Variants in TSPAN9 observed in about 807,000 individuals in gnomAD.
TSPAN9 encodes the protein tetraspanin 9.
A neutral mutation model predicts 31.0 loss-of-function variants in TSPAN9; 16 were observed. That is an observed-to-expected ratio of 0.52 (90% CI 0.35 to 0.78). The LOEUF (loss-of-function observed/expected upper bound fraction) is 0.78. TSPAN9 is among the 30% of genes least tolerant of loss of function. TSPAN9 has a pLI of 0.01. For missense variants in TSPAN9, 272 were observed against 312.5 expected (o/e 0.87, Z 0.98); for synonymous variants, 145 against 121.6 (o/e 1.19, Z -1.27).
chr12:3,216,393 C>T (rs977703331), intron 3 of TSPAN9, among the ~76,000 whole-genome samples: 11 of 152,304 alleles, frequency 7.2e-5, no homozygotes, highest in African/African-American at 2.6e-4. Context: ...GATGTCCAAG[C>T]TCACACTGGG....
intron 2 of TSPAN9, among the ~76,000 whole-genome samples, chr12:3,146,258 G>T (rs1480457934): frequency 6.6e-6 from 1 of 152,238 alleles, no homozygotes; most frequent in African/African-American, 2.4e-5. Context: ...GGGATGCGAG[G>T]TCAGGGGATG....
intron 3 of TSPAN9, among the ~76,000 whole-genome samples, chr12:3,264,384 T>C (rs1007925444): frequency 2.0e-5 from 3 of 152,250 alleles, no homozygotes; most frequent in Admixed American, 1.3e-4. Context: ...TCTTAATTTA[T>C]TGATGAAAAC....
chr12:3,211,519 T>C, intron 3 of TSPAN9: 1 of 674,302 alleles, frequency 1.5e-6, no homozygotes, highest in Non-Finnish European at 2.4e-6. Context: ...AGCCAGCCTC[T>C]TCCCCCAAAC....
intron 2 of TSPAN9, among the ~76,000 whole-genome samples, chr12:3,109,136 C>T (rs929160354): frequency 6.6e-6 from 1 of 151,920 alleles, no homozygotes; most frequent in Non-Finnish European, 1.5e-5. Flanking sequence ...GGGGGTTTCA[C>T]CGTGTTAGCC....
chr12:3,229,543 A>G (rs1274158958), intron 3 of TSPAN9, among the ~76,000 whole-genome samples: 3 of 152,216 alleles, frequency 2.0e-5, no homozygotes, highest in Non-Finnish European at 2.9e-5. Flanking sequence ...CGCCTTCTGC[A>G]GCATCCCTGT....
In TSPAN9 at chr12:3,222,259, A is replaced by G. The variant is rs1168056451; in HGVS notation, c.63+21003A>G. ...AGGGGGGCATGTGGAGGGGATCCCC[A>G]TTTCCTATACACAGGGCCCTGGCTC... is the stretch of plus-strand genomic sequence containing the variant. On this transcript the variant is annotated intron_variant, in intron 3 of 8. Transcript: ENST00000011898. 2.6e-5 allele frequency among the ~76,000 whole-genome samples: 4 copies of G among 152,158 alleles called. No individual in the cohort carries two copies. The South Asian group carries it at 8.3e-4, about 32-fold the overall frequency.
In TSPAN9 at chr12:3,226,740, GTGTGTATATATATATATATA is replaced by G. The variant is rs2098387674; in HGVS notation, c.63+25486_63+25505del. Among the ~76,000 whole-genome samples the G allele has an allele frequency of 6.3e-3, 83 of 13,154 alleles. 12 individuals are homozygous for G. The highest frequency in any genetic ancestry group is 8.0e-3 in the Admixed American group (6 of 750). The allele number at this position is 13,154 out of a possible 152,430, so 8.6% of individuals were successfully genotyped here. A position where few individuals can be genotyped will look rare whatever the true frequency, so the allele number is the denominator to read the frequency against. ...TGTATGTGTGTGTGTGTGTGTGTGT[GTGTGTATATATATATATATA>G]TATATATATATATATATATATATAT... is the stretch of plus-strand genomic sequence containing the variant. On this transcript the variant is annotated intron_variant, in intron 3 of 8. Coordinates refer to ENST00000011898, the MANE Select transcript of TSPAN9 (RefSeq NM_006675.5).
At chr12:3,080,088 C>G (rs1341649205) in intron 1 of TSPAN9, among the ~76,000 whole-genome samples, 1 of 151,924 alleles carries the variant, frequency 6.6e-6, no homozygotes, top group East Asian at 2.0e-4. Flanking sequence ...CACGCCCAGC[C>G]CCTTTCCTCT....
At chr12:3,281,934 C>A in intron 8 of TSPAN9, 117 bp downstream of exon 8, 1 of 1,155,792 alleles carries the variant, frequency 8.7e-7, no homozygotes, top group Non-Finnish European at 1.3e-6. Context: ...GAATTCATCA[C>A]AGCTATTCAA....
Position 3,280,656 on chromosome 12 carries a change from A to G in TSPAN9, c.432+173A>G, listed in dbSNP as rs571500998. ...TGAACTGCTGAGTCAGATGTGATAC[A>G]GCAAGGTACAGCCAGGGAGGGATGA... On this transcript the variant is annotated intron_variant, in intron 6 of 8. Transcript: ENST00000011898. The surrounding 1 kb of genome is among the most constrained non-coding windows in gnomAD (Gnocchi z 4.5). Among the ~76,000 whole-genome samples, 1 of 152,210 alleles carries G rather than the reference A, an allele frequency of 6.6e-6. No homozygotes were observed. The highest frequency in any genetic ancestry group is 2.1e-4 in the South Asian group (1 of 4,834).
intron 3 of TSPAN9, among the ~76,000 whole-genome samples, chr12:3,261,612 G>A (rs376372006): frequency 3.3e-4 from 51 of 152,334 alleles, no homozygotes; most frequent in African/African-American, 1.1e-3. Flanking sequence ...GTGACTCGGG[G>A]CATGCATGAC....
chr12:3,276,201 C>T (rs1172502920), intron 3 of TSPAN9, among the ~76,000 whole-genome samples: 1 of 152,204 alleles, frequency 6.6e-6, no homozygotes, highest in African/African-American at 2.4e-5. Context: ...ATCACAGCAG[C>T]CTCCCAGTTG....
At chr12:3,267,882 C>T (rs914339169) in intron 3 of TSPAN9, among the ~76,000 whole-genome samples, 2 of 152,182 alleles carry the variant, frequency 1.3e-5, no homozygotes, top group South Asian at 2.1e-4. Context: ...TCCTGCCCAA[C>T]GTAGAGTGCC....
intron 3 of TSPAN9, among the ~76,000 whole-genome samples, chr12:3,218,433 C>T (rs2098382515): frequency 6.6e-6 from 1 of 152,318 alleles, no homozygotes; most frequent in South Asian, 2.1e-4. Flanking sequence ...CAGGAGGAGA[C>T]CTTTGGGGCC....
chr12:3,114,441 T>C (rs1018362063), intron 2 of TSPAN9, among the ~76,000 whole-genome samples: 4 of 152,190 alleles, frequency 2.6e-5, no homozygotes, highest in African/African-American at 9.7e-5. Flanking sequence ...GTGTATAGCA[T>C]GTGTTTAATG....
At chr12:3,281,420 ACTAAGAGGTTGG>A in intron 7 of TSPAN9, 91 bp downstream of exon 7, 1 of 1,414,468 alleles carries the variant, frequency 7.1e-7, no homozygotes, top group Non-Finnish European at 9.2e-7. Context: ...GGCCCGGGAC[ACTAAGAGGTTGG>A]CTGAATGTGG....
chr12:3,125,707 C>T (rs955525456), intron 2 of TSPAN9, among the ~76,000 whole-genome samples: 1 of 151,780 alleles, frequency 6.6e-6, no homozygotes, highest in African/African-American at 2.4e-5. Flanking sequence ...TTTGAAAGCC[C>T]AATGTAAAAT....
At chr12:3,216,950 G>T (rs544290353) in intron 3 of TSPAN9, among the ~76,000 whole-genome samples, 2 of 152,338 alleles carry the variant, frequency 1.3e-5, no homozygotes, top group Admixed American at 6.5e-5. Context: ...CCACTGTCCT[G>T]GGGGAAGCTG....
At chr12:3,085,893 T>A (rs570929148) in intron 2 of TSPAN9, among the ~76,000 whole-genome samples, 1 of 152,112 alleles carries the variant, frequency 6.6e-6, no homozygotes, top group Non-Finnish European at 1.5e-5. Context: ...TGACTTCTGA[T>A]AGGAGCGGAC....
Sources: gnomAD v4.1 joint callset for allele counts (sites outside exome capture counted in the v4.1 genomes callset) on GRCh38, gnomAD v4.1.1 for gene constraint, Gnocchi (gnomAD v3.1) non-coding constraint, MANE v1.5 for transcripts, NCBI Gene and HGNC (gene_info 2026-07-23, HGNC 2026-07-21) for gene names.